The following WWC2 variants were observed in gnomAD, a reference collection of about 807,000 sequenced individuals.
The protein encoded by WWC2 is protein WWC2.
WWC2 carries 101 observed loss-of-function variants against 138.5 expected under a neutral mutation model. The ratio of observed to expected loss-of-function variants is 0.73; its 90% CI spans 0.62 to 0.86. WWC2 has a LOEUF of 0.86. Among genes scored for constraint, WWC2 ranks in the 40% least tolerant of loss-of-function variants. WWC2 has a pLI of 0.00. For synonymous variants in WWC2, 558 were observed against 538.4 expected (o/e 1.04, Z -0.50); for missense variants, 1,420 against 1,419.4 (o/e 1.00, Z -0.01).
intron 14 of WWC2, among the ~76,000 whole-genome samples, chr4:183,267,344 T>C (rs1737538641): frequency 1.3e-5 from 2 of 152,112 alleles, no homozygotes; most frequent in Admixed American, 1.3e-4. Flanking sequence ...GCTTCCCAAA[T>C]GCGAGATGAA....
intron 2 of WWC2, among the ~76,000 whole-genome samples, chr4:183,205,914 T>G (rs2111235314): frequency 6.6e-6 from 1 of 152,274 alleles, no homozygotes; most frequent in South Asian, 2.1e-4. Context: ...CCCGTTGTCA[T>G]CTCAGCATTC....
chr4:183,251,916 A>G (rs891570183), intron 8 of WWC2, among the ~76,000 whole-genome samples: 2 of 152,224 alleles, frequency 1.3e-5, no homozygotes, highest in African/African-American at 4.8e-5. Context: ...AGCTAATAAT[A>G]TCATGCTTAT....
intron 1 of WWC2, among the ~76,000 whole-genome samples, chr4:183,184,014 T>C (rs1734720778): frequency 6.6e-6 from 1 of 152,200 alleles, no homozygotes; most frequent in African/African-American, 2.4e-5. Flanking sequence ...TAATGTAAAT[T>C]AACCATTTAA....
At chr4:183,180,021 A>G (rs1199931945) in intron 1 of WWC2, among the ~76,000 whole-genome samples, 2 of 152,188 alleles carry the variant, frequency 1.3e-5, no homozygotes, top group Non-Finnish European at 2.9e-5. Context: ...GGAAAACATG[A>G]TGTCTTCCCC....
intron 1 of WWC2, among the ~76,000 whole-genome samples, chr4:183,125,326 A>T (rs1732727352): frequency 6.6e-6 from 1 of 152,130 alleles, no homozygotes; most frequent in Non-Finnish European, 1.5e-5. Flanking sequence ...GCTCCCTGAC[A>T]TCTGTCCTGT....
intron 1 of WWC2, among the ~76,000 whole-genome samples, chr4:183,180,575 A>G (rs1202182206): frequency 6.6e-6 from 1 of 151,750 alleles, no homozygotes; most frequent in Non-Finnish European, 1.5e-5. Flanking sequence ...TAGAAGTGGA[A>G]ACAATCCATA....
chr4:183,131,323 G>A (rs1358654118), intron 1 of WWC2, among the ~76,000 whole-genome samples: 1 of 151,706 alleles, frequency 6.6e-6, no homozygotes, highest in African/African-American at 2.4e-5. Context: ...ACTTTCTGTT[G>A]GGCAAAGAGT....
At chr4:183,246,637 G>C in intron 6 of WWC2, among the ~76,000 whole-genome samples, 1 of 152,170 alleles carries the variant, frequency 6.6e-6, no homozygotes, top group East Asian at 1.9e-4. Context: ...GGTAGGCACT[G>C]TTATTATTCT....
intron 1 of WWC2, among the ~76,000 whole-genome samples, chr4:183,189,922 A>G (rs1411941171): frequency 6.6e-6 from 1 of 152,204 alleles, no homozygotes; most frequent in East Asian, 1.9e-4. Context: ...GTCGTAGGAC[A>G]TGTATTTGAG....
chr4:183,242,942 A>G (rs1253355868), intron 5 of WWC2, among the ~76,000 whole-genome samples: 1 of 152,160 alleles, frequency 6.6e-6, no homozygotes, highest in Non-Finnish European at 1.5e-5. Context: ...CAGTGAAATA[A>G]AGGAAAAAGG....
At position 183,248,890 on chromosome 4, in the gene WWC2, A is replaced by G. The variant is rs779509735; in HGVS notation, c.879+30A>G. The G allele has an allele frequency of 4.6e-6, 7 of 1,532,198 alleles. No homozygotes were observed. In the South Asian group the frequency reaches 6.2e-5, roughly 14 times the overall value. 94.9% of individuals were successfully genotyped at this position (1,532,198 alleles called of 1,614,324 possible). On this transcript the variant is annotated intron_variant, in intron 7 of 22. Coordinates refer to ENST00000403733, the MANE Select transcript of WWC2 (RefSeq NM_024949.6). The stretch of plus-strand genomic sequence containing the variant: ...GTTATCTGTGCTGAAGAGTTGGCCC[A>G]GTGTTGTCCTTGATGGGCCTTAATT...
chr4:183,309,827 T>C (rs1739149987), intron 21 of WWC2, among the ~76,000 whole-genome samples: 1 of 152,222 alleles, frequency 6.6e-6, no homozygotes, highest in Non-Finnish European at 1.5e-5. Context: ...TGTCCTTCAG[T>C]AGGTGAATGG....
chr4:183,110,290 G>A (rs1237461339), intron 1 of WWC2, among the ~76,000 whole-genome samples: 1 of 152,162 alleles, frequency 6.6e-6, no homozygotes, highest in Non-Finnish European at 1.5e-5. Context: ...TGCTTTGGTA[G>A]TTAGAAATAC....
intron 1 of WWC2, among the ~76,000 whole-genome samples, chr4:183,141,549 G>A (rs538998450): frequency 2.6e-5 from 4 of 152,252 alleles, no homozygotes; most frequent in East Asian, 1.9e-4. Context: ...CCTCTAAGCC[G>A]AGATGATTTC....
intron 21 of WWC2, among the ~76,000 whole-genome samples, chr4:183,293,019 G>A (rs762852763): frequency 2.6e-5 from 4 of 152,292 alleles, no homozygotes; most frequent in South Asian, 2.1e-4. Context: ...GCAGTGGCAC[G>A]ATCTCGGCTC....
At chr4:183,244,496 C>T (rs1736712331) in intron 5 of WWC2, among the ~76,000 whole-genome samples, 4 of 151,706 alleles carry the variant, frequency 2.6e-5, no homozygotes, top group Admixed American at 2.6e-4. Flanking sequence ...TGCCGTTTTC[C>T]TAAGTTTGAA....
chr4:183,182,907 T>G (rs1356715696), intron 1 of WWC2, among the ~76,000 whole-genome samples: 1 of 152,246 alleles, frequency 6.6e-6, no homozygotes, highest in Non-Finnish European at 1.5e-5. Flanking sequence ...TTACAACCCT[T>G]TCATGATGTA....
chr4:183,279,435 C>A (rs1737988934), intron 16 of WWC2, among the ~76,000 whole-genome samples: 1 of 152,118 alleles, frequency 6.6e-6, no homozygotes, highest in East Asian at 1.9e-4. Flanking sequence ...GTCTAAAATT[C>A]TCTTTTTTTG....
chr4:183,289,693 C>A, intron 21 of WWC2, 58 bp downstream of exon 21: 5 of 1,576,734 alleles, frequency 3.2e-6, no homozygotes, highest in South Asian at 1.2e-5. Flanking sequence ...TAAAGCGTGC[C>A]ATGTAGAAGG....
Sources: gnomAD v4.1 joint callset for allele counts (sites outside exome capture counted in the v4.1 genomes callset) on GRCh38, gnomAD v4.1.1 for gene constraint, MANE v1.5 for transcripts, NCBI Gene and HGNC (gene_info 2026-07-23, HGNC 2026-07-21) for gene names.